Variants in SCN7A observed in about 807,000 individuals in gnomAD.
SCN7A encodes sodium voltage-gated channel alpha subunit 7.
In SCN7A, 138 loss-of-function variants were observed where a neutral mutation model predicts 155.2. The observed-to-expected ratio is 0.89, with a 90% CI of 0.77 to 1.02. The LOEUF (loss-of-function observed/expected upper bound fraction) is 1.02, where lower values mean the gene tolerates loss of function less well. Among genes scored for constraint, SCN7A ranks in the 50% least tolerant of loss-of-function variants. SCN7A has a pLI of 0.00. For synonymous variants in SCN7A, 693 were observed against 649.0 expected, an observed-to-expected ratio of 1.07 and a Z score of -1.03; for missense variants, 2,058 against 1,986.6, an observed-to-expected ratio of 1.04 and a Z score of -0.68.
intron 21 of SCN7A, among the ~76,000 whole-genome samples, chr2:166,414,897 T>TATA (rs1209945026): frequency 3.6e-5 from 1 of 28,030 alleles, no homozygotes; most frequent in Non-Finnish European, 6.7e-5. Context: ...ATAATATATA[T>TATA]TATTATATAG....
Position 166,406,138 on chromosome 2 carries a change from C to G in SCN7A, c.4491G>C (p.Glu1497Asp). 1 of 1,611,840 alleles carries G rather than the reference C, an allele frequency of 6.2e-7. No individual in the cohort carries two copies. The highest frequency in any genetic ancestry group is 2.2e-5 in the East Asian group (1 of 44,784). ...TCTTCTTAGAAGCAATATTTAAAAA[C>G]TCCATGACAACAACAATGTACATAT... is the stretch of plus-strand genomic sequence containing the variant. ...IVNMYIVVVM[E>D]FLNIASKKKN... is the part of the protein sequence containing the mutation. Residue 1497 changes from glutamate to aspartate, a missense_variant, in exon 26 of 26, where the codon GAG (glutamate) becomes GAC (aspartate). Coordinates refer to ENST00000643258, the MANE Select transcript of SCN7A (RefSeq NM_002976.4).
At chr2:166,411,683 A>C (rs1253850607) in intron 23 of SCN7A, among the ~76,000 whole-genome samples, 1 of 152,010 alleles carries the variant, frequency 6.6e-6, no homozygotes, top group Non-Finnish European at 1.5e-5. Context: ...TTAGTCATGG[A>C]AAAGGCATCT....
At chr2:166,427,744 A>G (rs749682736) in intron 18 of SCN7A, 44 bp downstream of exon 18, 2 of 1,554,126 alleles carry the variant, frequency 1.3e-6, no homozygotes, top group Admixed American at 3.5e-5. Context: ...ATCATGATAC[A>G]TTTGTCCCCA....
Position 166,406,301 on chromosome 2 carries a change from A to G in SCN7A, c.4328T>C (p.Ile1443Thr). The change falls in exon 26 of 26, where the codon ATT (isoleucine) becomes ACT (threonine). Residue 1443 changes from isoleucine to threonine, a missense_variant. Transcript: ENST00000643258. ...FAGWDGMLDA[I>T]FNSKWSDCDP... ...ACAGTCAGACCATTTACTGTTGAAA[A>G]TTGCATCAAGCATCCCATCCCAACC... 6.2e-7 allele frequency: 1 copy of G among 1,613,160 alleles called. No individual in the cohort carries two copies. The highest frequency in any genetic ancestry group is 8.5e-7 in the Non-Finnish European group (1 of 1,179,436).
At chr2:166,463,178 TA>T (rs1356352993) in intron 9 of SCN7A, among the ~76,000 whole-genome samples, 106 of 152,310 alleles carry the variant, frequency 7.0e-4, no homozygotes, top group African/African-American at 2.3e-3. Context: ...TTATAAGCAG[TA>T]TTTGCACATG....
At chr2:166,448,671 G>C (rs1265018265) in intron 11 of SCN7A, among the ~76,000 whole-genome samples, 1 of 152,148 alleles carries the variant, frequency 6.6e-6, no homozygotes, top group Non-Finnish European at 1.5e-5. Flanking sequence ...ATTTTATACT[G>C]TGAGGTCTGA....
At chr2:166,458,192 G>T (rs1032528847) in intron 10 of SCN7A, among the ~76,000 whole-genome samples, 4 of 152,044 alleles carry the variant, frequency 2.6e-5, no homozygotes, top group African/African-American at 9.7e-5. Flanking sequence ...GCTGGATGTG[G>T]TGGCATTTGC....
intron 11 of SCN7A, among the ~76,000 whole-genome samples, 152 bp downstream of exon 11, chr2:166,456,718 C>T (rs1288370593): frequency 1.3e-5 from 2 of 151,802 alleles, no homozygotes; most frequent in Non-Finnish European, 2.9e-5. Flanking sequence ...AATCTGTGAC[C>T]ACCATGGGAC....
chr2:166,477,634 T>C lies in SCN7A; in HGVS notation c.63A>G (p.Ile21Met), dbSNP rs749908150. The part of the protein sequence containing the change: ...VPFTKESFEL[I>M]KQHIAKTHNE... ...TATGTGTTTTAGCAATATGCTGTTT[T>C]ATAAGTTCAAAAGACTCTTTAGTGA... The change falls in exon 3 of 26, where the codon ATA becomes ATG. Residue 21 changes from isoleucine to methionine, a missense_variant. Ile to Met is a conservative substitution (Grantham distance 10). Transcript: ENST00000643258. 3 of 1,606,728 alleles carry C rather than the reference T, an allele frequency of 1.9e-6. No individual in the cohort carries two copies. The highest frequency in any genetic ancestry group is 1.1e-5 in the South Asian group (1 of 89,848).
rs115491820 is a variant in SCN7A at position 166,485,992 on chromosome 2, C to T, written c.-15+864G>A. 4.0e-3 allele frequency among the ~76,000 whole-genome samples: 607 copies of T among 152,196 alleles called. 7 individuals carry two copies. The highest frequency in any genetic ancestry group is 0.013 in the African/African-American group (560 of 41,518). On this transcript the variant is annotated intron_variant, in intron 2 of 25. Transcript: ENST00000643258. ...AAAAGTAGCCTGTGCTGCTTCTCAG[C>T]GGAATACAAAGGAGGCTGTATGATG...
At chr2:166,472,204 C>T in intron 6 of SCN7A, 113 bp downstream of exon 6, 2 of 992,690 alleles carry the variant, frequency 2.0e-6, no homozygotes, top group Admixed American at 3.2e-5. Context: ...TTGAAGTATT[C>T]TTCACTTGCA....
chr2:166,467,321 G>A (rs986877743), intron 7 of SCN7A, among the ~76,000 whole-genome samples: 1 of 151,648 alleles, frequency 6.6e-6, no homozygotes, highest in African/African-American at 2.4e-5. Flanking sequence ...TTTTAAAATA[G>A]GTGTATTTGC....
intron 19 of SCN7A, among the ~76,000 whole-genome samples, chr2:166,421,632 CA>C (rs1457618870): frequency 3.9e-5 from 6 of 151,934 alleles, no homozygotes; most frequent in African/African-American, 1.4e-4. Context: ...GAATCAGTTT[CA>C]TAATTACTTG....
At chr2:166,489,163 T>C (rs1005966129) in intron 1 of SCN7A, among the ~76,000 whole-genome samples, 1 of 152,192 alleles carries the variant, frequency 6.6e-6, no homozygotes, top group Non-Finnish European at 1.5e-5. Context: ...AGGAATGAGA[T>C]GGATATGTCT....
At chr2:166,406,671 G>C (rs1326999072) in intron 25 of SCN7A, 25 bp from the exon 26 acceptor site, 8 of 1,437,708 alleles carry the variant, frequency 5.6e-6, no homozygotes, top group African/African-American at 1.4e-5. Context: ...GATAAAGCAG[G>C]CTATACATTA....
chr2:166,411,176 C>T (rs1017527328), intron 23 of SCN7A, among the ~76,000 whole-genome samples: 1 of 152,026 alleles, frequency 6.6e-6, no homozygotes, highest in Non-Finnish European at 1.5e-5. Flanking sequence ...ATCAGTTAGC[C>T]ATGGTCAACC....
rs568505361 is a variant in SCN7A at position 166,464,712 on chromosome 2, G to A, written c.941+750C>T. Among the ~76,000 whole-genome samples the A allele has an allele frequency of 2.4e-3, 368 of 152,184 alleles. 12 individuals carry two copies. Among genetic ancestry groups the A allele is most frequent in the Middle Eastern group, 0.017 (5 of 294 alleles). ...CTTTGCACGCCAGGACAACCAGCCC[G>A]AGCTATCGCGGCTCCCATCAGCCTA... On this transcript the variant is annotated intron_variant, in intron 9 of 25. Transcript: ENST00000643258.
At chr2:166,472,491 T>C (rs1399145021) in intron 5 of SCN7A, 46 bp from the exon 6 acceptor site, 3 of 1,394,600 alleles carry the variant, frequency 2.2e-6, no homozygotes, top group Admixed American at 2.0e-5. Flanking sequence ...GAATAATACA[T>C]TGTCAACTCT....
chr2:166,427,262 C>T (rs1559096976), intron 18 of SCN7A, among the ~76,000 whole-genome samples: 1 of 151,998 alleles, frequency 6.6e-6, no homozygotes, highest in South Asian at 2.1e-4. Flanking sequence ...AGTGAATTAC[C>T]TTGTAGAACC....
Sources: gnomAD v4.1 joint callset for allele counts (sites outside exome capture counted in the v4.1 genomes callset) on GRCh38, gnomAD v4.1.1 for gene constraint, MANE v1.5 for transcripts, NCBI Gene and HGNC (gene_info 2026-07-23, HGNC 2026-07-21) for gene names.